SKAP1: variants seen among roughly 807,000 people sequenced by gnomAD.
The protein encoded by SKAP1 is src kinase-associated phosphoprotein 1.
A neutral mutation model predicts 58.5 loss-of-function variants in SKAP1; 44 were observed. That is an observed-to-expected ratio of 0.75 (90% CI 0.59 to 0.97). The LOEUF (loss-of-function observed/expected upper bound fraction) is 0.97. SKAP1 is among the 50% of genes least tolerant of loss of function. The pLI is 0.00. For missense variants in SKAP1, 390 were observed against 435.2 expected (o/e 0.90, Z 0.92); for synonymous variants, 127 against 149.7 (o/e 0.85, Z 1.11).
intron 4 of SKAP1, among the ~76,000 whole-genome samples, chr17:48,318,266 A>G (rs1042109018): frequency 1.3e-5 from 2 of 152,332 alleles, no homozygotes; most frequent in Middle Eastern, 3.4e-3. Context: ...CCCAAATTCA[A>G]TAATACACCT....
chr17:48,295,032 A>G (rs2065948105), intron 4 of SKAP1, among the ~76,000 whole-genome samples: 4 of 152,166 alleles, frequency 2.6e-5, no homozygotes, highest in Admixed American at 2.6e-4. Flanking sequence ...TTTTTTCCCA[A>G]CTTAAATGGC....
rs12603972 is a variant in SKAP1, at chr17:48,311,838, T to C, written c.280+34067A>G. On this transcript the variant is annotated intron_variant, in intron 4 of 12. Transcript: ENST00000336915. ...AGAGTTTACAGACAGAAATCACATA[T>C]ATTCTGACACAAAAAGATAGAGCTG... 4.3e-4 allele frequency among the ~76,000 whole-genome samples: 66 copies of C among 152,306 alleles called. 1 individual carries two copies. The East Asian group carries it at 0.012, about 28-fold the overall frequency.
chr17:48,147,610 C>T (rs1306564771), intron 11 of SKAP1, among the ~76,000 whole-genome samples: 1 of 152,080 alleles, frequency 6.6e-6, no homozygotes, highest in East Asian at 1.9e-4. Context: ...AGAGATTTTC[C>T]AGAAGGAGAA....
At chr17:48,249,888 G>A (rs1233799851) in intron 4 of SKAP1, among the ~76,000 whole-genome samples, 1 of 151,872 alleles carries the variant, frequency 6.6e-6, no homozygotes, top group South Asian at 2.1e-4. Flanking sequence ...CACTGATAGG[G>A]AGCCATCTCT....
upstream of SKAP1, among the ~76,000 whole-genome samples, chr17:48,432,418 G>T (rs2067925021): frequency 6.6e-6 from 1 of 150,440 alleles, no homozygotes; most frequent in African/African-American, 2.4e-5. Context: ...GACAGGGCAA[G>T]ACTCCATCTC....
intron 3 of SKAP1, among the ~76,000 whole-genome samples, chr17:48,356,453 G>A (rs1486374347): frequency 6.6e-6 from 1 of 152,034 alleles, no homozygotes; most frequent in Non-Finnish European, 1.5e-5. Context: ...TTACAGGAAG[G>A]CATATAATGA....
At chr17:48,268,100 G>A (rs1340040823) in intron 4 of SKAP1, among the ~76,000 whole-genome samples, 5 of 151,846 alleles carry the variant, frequency 3.3e-5, no homozygotes, top group Admixed American at 1.3e-4. Flanking sequence ...ACTCTTTAGA[G>A]TTTCAAAAAA....
chr17:48,335,917 G>A (rs1410243937), intron 4 of SKAP1, among the ~76,000 whole-genome samples: 12 of 152,134 alleles, frequency 7.9e-5, no homozygotes, highest in African/African-American at 2.9e-4. Flanking sequence ...TCATATCTGA[G>A]TATGCGTATG....
intron 4 of SKAP1, among the ~76,000 whole-genome samples, chr17:48,288,331 C>A (rs2065858076): frequency 6.6e-6 from 1 of 152,136 alleles, no homozygotes; most frequent in African/African-American, 2.4e-5. Flanking sequence ...AGCTATAATT[C>A]ATCAAAAACA....
chr17:48,227,013 A>T (rs1350674957), intron 4 of SKAP1, among the ~76,000 whole-genome samples: 1 of 151,768 alleles, frequency 6.6e-6, no homozygotes, highest in African/African-American at 2.4e-5. Context: ...TCTTGGCTTG[A>T]CCTTAGCTTG....
chr17:48,208,281 C>T (rs936857931), intron 4 of SKAP1, among the ~76,000 whole-genome samples: 2 of 152,152 alleles, frequency 1.3e-5, no homozygotes, highest in Non-Finnish European at 2.9e-5. Context: ...ACTCCTGTGA[C>T]CTCTACCATT....
chr17:48,250,617 G>A (rs893902478), intron 4 of SKAP1, among the ~76,000 whole-genome samples: 3 of 151,674 alleles, frequency 2.0e-5, no homozygotes, highest in Non-Finnish European at 4.4e-5. Context: ...TTCATCAGTC[G>A]AAAGGTTAGA....
At chr17:48,205,391 G>A (rs1679497534) in intron 4 of SKAP1, among the ~76,000 whole-genome samples, 4 of 152,060 alleles carry the variant, frequency 2.6e-5, no homozygotes, top group African/African-American at 9.6e-5. Context: ...GATTACAGGC[G>A]TGAGCTACCA....
intron 4 of SKAP1, chr17:48,248,891 A>G (rs1019823927): frequency 1.3e-5 from 2 of 152,166 alleles, no homozygotes; most frequent in Non-Finnish European, 2.9e-5. Flanking sequence ...ACATACCCCA[A>G]GTTTAGATAA....
intron 4 of SKAP1, chr17:48,308,717 G>C (rs1395578983): frequency 6.6e-6 from 1 of 152,102 alleles, no homozygotes; most frequent in Non-Finnish European, 1.5e-5. Context: ...TTCTGTTCTG[G>C]AGAGAAGCTA....
At chr17:48,368,912 T>C (rs924603059) in intron 2 of SKAP1, among the ~76,000 whole-genome samples, 5 of 152,186 alleles carry the variant, frequency 3.3e-5, no homozygotes. Context: ...CTTGCGCCTG[T>C]AATCCCAGCA....
At chr17:48,347,328 T>C (rs1030566475) in intron 3 of SKAP1, among the ~76,000 whole-genome samples, 1 of 152,232 alleles carries the variant, frequency 6.6e-6, no homozygotes, top group Non-Finnish European at 1.5e-5. Context: ...AGTTTTGGCC[T>C]TGGATTTCAA....
intron 4 of SKAP1, among the ~76,000 whole-genome samples, chr17:48,322,551 G>A (rs1042195579): frequency 6.6e-6 from 1 of 152,202 alleles, no homozygotes; most frequent in Non-Finnish European, 1.5e-5. Flanking sequence ...TGAGCAAGTG[G>A]CTGCTGTATC....
At chr17:48,233,570 AC>A (rs755224478) in intron 4 of SKAP1, among the ~76,000 whole-genome samples, 43 of 151,072 alleles carry the variant, frequency 2.8e-4, no homozygotes, top group Non-Finnish European at 5.1e-4. Context: ...AAATAAGATT[AC>A]TGGCCAAGTG....
Sources: allele counts gnomAD v4.1 joint callset (sites outside exome capture counted in the v4.1 genomes callset), GRCh38; gene constraint gnomAD v4.1.1; transcripts MANE v1.5; gene names NCBI Gene and HGNC (gene_info 2026-07-23, HGNC 2026-07-21).